SERF1A: variants seen among roughly 807,000 people sequenced by gnomAD.
SERF1A encodes the protein small EDRK-rich factor 1.
chr5:70,910,794 TA>T (rs1749108295), downstream of SERF1A, among the ~76,000 whole-genome samples: 1 of 29,712 alleles, frequency 3.4e-5, no homozygotes, highest in African/African-American at 9.2e-5. Context: ...TTATTATTAT[TA>T]TTATTTTTTT....
At chr5:70,904,725 G>A (rs2112785162) in intron 2 of SERF1A, among the ~76,000 whole-genome samples, 1 of 49,452 alleles carries the variant, frequency 2.0e-5, no homozygotes, top group East Asian at 1.3e-3. Flanking sequence ...GCTAATTTTT[G>A]TATTTTTAGT....
rs1320067605 is a variant in SERF1A at position 70,913,399 on chromosome 5, A to AC, written c.117-3542_117-3541insC. Reference sequence around the variant, plus strand: ...GTCTCAAAAAAAAAAAAAAAAAAAAAACATACAAACCGAATTTCCATTCCA... The same window carrying AC: ...GTCTCAAAAAAAAAAAAAAAAAAAAACACATACAAACCGAATTTCCATTCCA... On this transcript the variant is annotated intron_variant, in intron 2 of 2. Coordinates refer to the SERF1A transcript ENST00000354833. Among the ~76,000 whole-genome samples, 80 of 143,466 alleles carry AC rather than the reference A, an allele frequency of 5.6e-4. 1 individual carries two copies. The highest frequency in any genetic ancestry group is 2.0e-3 in the African/African-American group (78 of 39,624). The allele number at this position is 143,466 out of a possible 152,430, so 94.1% of individuals were successfully genotyped here.
downstream of SERF1A, among the ~76,000 whole-genome samples, chr5:70,912,057 A>ACTCTCTCTCTCTCTCTCTCTCT (rs1554081326): frequency 1.1e-4 from 2 of 18,602 alleles, no homozygotes; most frequent in African/African-American, 4.1e-4. Context: ...ACACACACAC[A>ACTCTCTCTCTCTCTCTCTCTCT]CTCTCTCTCT....
chr5:70,912,012 T>TACAC (rs1203956669), downstream of SERF1A, among the ~76,000 whole-genome samples: 75 of 22,872 alleles, frequency 3.3e-3, 7 homozygotes, highest in East Asian at 7.1e-3. Context: ...TCTCAAAACA[T>TACAC]ACACACACAC....
intron 2 of SERF1A, among the ~76,000 whole-genome samples, chr5:70,913,434 C>T (rs1749165956): frequency 7.8e-6 from 1 of 127,454 alleles, no homozygotes; most frequent in Admixed American, 8.6e-5. Flanking sequence ...ACATACTACT[C>T]TTGCTGTTTT....
At chr5:70,913,378 C>CAAAAAA (rs878903389) in intron 2 of SERF1A, among the ~76,000 whole-genome samples, 2 of 59,126 alleles carry the variant, frequency 3.4e-5, no homozygotes, top group African/African-American at 5.2e-5. Context: ...GACTCTGTCT[C>CAAAAAA]AAAAAAAAAA....
chr5:70,912,057 A>ACTCTCTCTCTCT (rs1554081326), downstream of SERF1A, among the ~76,000 whole-genome samples: 5 of 18,602 alleles, frequency 2.7e-4, no homozygotes, highest in African/African-American at 1.0e-3. Context: ...ACACACACAC[A>ACTCTCTCTCTCT]CTCTCTCTCT....
chr5:70,912,088 C>T (rs1749136136), downstream of SERF1A, among the ~76,000 whole-genome samples: 1 of 42,752 alleles, frequency 2.3e-5, no homozygotes, highest in African/African-American at 9.1e-5. Flanking sequence ...CTCTCAAAAA[C>T]ACTTGGTCTG....
chr5:70,910,798 A>ATTTTTTTTTTTTTTTTTTT (rs1249752268), downstream of SERF1A, among the ~76,000 whole-genome samples: 1 of 20,928 alleles, frequency 4.8e-5, no homozygotes, highest in Non-Finnish European at 9.5e-5. Flanking sequence ...TATTATTATT[A>ATTTTTTTTTTTTTTTTTTT]TTTTTTTTTT....
intron 2 of SERF1A, among the ~76,000 whole-genome samples, chr5:70,913,398 AAAC>A (rs1229572634): frequency 1.4e-5 from 2 of 143,696 alleles, no homozygotes; most frequent in African/African-American, 5.1e-5. Flanking sequence ...AAAAAAAAAA[AAAC>A]ATACAAACCG....
chr5:70,904,556 CTT>C (rs754215373), intron 2 of SERF1A, among the ~76,000 whole-genome samples: 3 of 41,680 alleles, frequency 7.2e-5, no homozygotes, highest in Non-Finnish European at 1.0e-4. Flanking sequence ...TAGGTTATGC[CTT>C]TTTTTTTTTT....
intron 2 of SERF1A, among the ~76,000 whole-genome samples, chr5:70,913,378 C>CAAAAAAA (rs878903389): frequency 3.4e-5 from 2 of 59,144 alleles, no homozygotes; most frequent in African/African-American, 5.2e-5. Context: ...GACTCTGTCT[C>CAAAAAAA]AAAAAAAAAA....
chr5:70,904,844 C>T lies in SERF1A; in HGVS notation c.117-2890C>T, dbSNP rs1362976641. On this transcript the variant is annotated intron_variant, in intron 2 of 2. Coordinates refer to ENST00000317633, the MANE Select transcript of SERF1A (RefSeq NM_022968.2). Reference sequence around the variant, plus strand: ...CTGGGATTACAGGCGTGAGCCACCACGCTGGCCCAGTTATACCTTTTTTTT... The same window carrying T: ...CTGGGATTACAGGCGTGAGCCACCATGCTGGCCCAGTTATACCTTTTTTTT... Among the ~76,000 whole-genome samples, 3 of 62,020 alleles carry T rather than the reference C, an allele frequency of 4.8e-5. No individual in the cohort carries two copies. In the South Asian group the frequency reaches 1.9e-3, roughly 38 times the overall value. 40.7% of individuals were successfully genotyped at this position (62,020 alleles called of 152,430 possible).
chr5:70,912,051 ACACACACT>A (rs1267287152), downstream of SERF1A, among the ~76,000 whole-genome samples: 66 of 43,156 alleles, frequency 1.5e-3, 11 homozygotes, highest in Non-Finnish European at 2.2e-3. Flanking sequence ...ACACACACAC[ACACACACT>A]CTCTCTCTCT....
downstream of SERF1A, among the ~76,000 whole-genome samples, chr5:70,912,055 A>ACTCT (rs1373795637): frequency 0.034 from 1,028 of 30,110 alleles, 39 homozygotes; most frequent in African/African-American, 0.12. Context: ...ACACACACAC[A>ACTCT]CACTCTCTCT....
intron 2 of SERF1A, among the ~76,000 whole-genome samples, chr5:70,904,373 C>T (rs1580875797): frequency 2.9e-5 from 1 of 34,960 alleles, no homozygotes; most frequent in African/African-American, 3.2e-4. Flanking sequence ...CCAGCCTGGG[C>T]GACAGAGCGA....
downstream of SERF1A, among the ~76,000 whole-genome samples, chr5:70,912,057 A>ACACACACACACT (rs1184160284): frequency 2.8e-3 from 52 of 18,608 alleles, 2 homozygotes; most frequent in African/African-American, 0.01. Flanking sequence ...ACACACACAC[A>ACACACACACACT]CTCTCTCTCT....
chr5:70,904,556 C>CT (rs754215373), intron 2 of SERF1A, among the ~76,000 whole-genome samples: 1,950 of 41,638 alleles, frequency 0.047, 656 homozygotes, highest in Non-Finnish European at 0.075. Context: ...TAGGTTATGC[C>CT]TTTTTTTTTT....
chr5:70,912,055 ACACTCTCT>A (rs1430760367), downstream of SERF1A, among the ~76,000 whole-genome samples: 38 of 30,394 alleles, frequency 1.3e-3, 8 homozygotes, highest in Non-Finnish European at 2.1e-3. Context: ...ACACACACAC[ACACTCTCT>A]CTCTCTCTCT....
Sources: gnomAD v4.1 joint callset for allele counts (sites outside exome capture counted in the v4.1 genomes callset) on GRCh38, gnomAD v4.1.1 for gene constraint, MANE v1.5 for transcripts, NCBI Gene and HGNC (gene_info 2026-07-23, HGNC 2026-07-21) for gene names.